Variants in CCDC192 observed in about 807,000 individuals in gnomAD.
CCDC192 encodes the protein coiled-coil domain containing 192.
At chr5:127,757,492 C>A (rs996321220) in intron 3 of CCDC192, among the ~76,000 whole-genome samples, 2 of 151,990 alleles carry the variant, frequency 1.3e-5, no homozygotes, top group African/African-American at 4.8e-5. Flanking sequence ...TTTGCTTTCT[C>A]CAATGTTTAG....
intron 2 of CCDC192, among the ~76,000 whole-genome samples, chr5:127,743,465 G>T (rs905359705): frequency 1.3e-5 from 2 of 152,102 alleles, no homozygotes; most frequent in Non-Finnish European, 2.9e-5. Flanking sequence ...ATGTTGAGAC[G>T]CAGACAAATG....
chr5:127,720,103 A>G (rs1440632472), intron 2 of CCDC192, among the ~76,000 whole-genome samples: 1 of 152,166 alleles, frequency 6.6e-6, no homozygotes, highest in Non-Finnish European at 1.5e-5. Context: ...GTCTTAAATC[A>G]TTTCAGCATT....
intron 5 of CCDC192, among the ~76,000 whole-genome samples, chr5:127,819,564 T>C (rs1206329490): frequency 8.5e-5 from 13 of 152,160 alleles, no homozygotes; most frequent in Admixed American, 8.5e-4. Flanking sequence ...AGACCTAAAA[T>C]GAAAGAAGTT....
intron 3 of CCDC192, among the ~76,000 whole-genome samples, chr5:127,758,071 A>T (rs10079426): frequency 0.32 from 48,778 of 151,782 alleles, 8,692 homozygotes; most frequent in Middle Eastern, 0.42. Flanking sequence ...CAATATTATC[A>T]AACAATGGAT....
chr5:127,785,086 G>A (rs1419498175), intron 3 of CCDC192: 17 of 516,084 alleles, frequency 3.3e-5, no homozygotes, highest in Non-Finnish European at 5.9e-5. Context: ...TACAGTGTAG[G>A]CATCTTCTGT....
intron 5 of CCDC192, among the ~76,000 whole-genome samples, chr5:127,821,999 G>T (rs1749314636): frequency 6.6e-6 from 1 of 152,178 alleles, no homozygotes; most frequent in South Asian, 2.1e-4. Context: ...GTAAACACAG[G>T]TTAGTAACTA....
In CCDC192 at chr5:127,852,315, T is replaced by A. The variant is rs191764641; in HGVS notation, c.412-23223T>A. Reference sequence around the variant, plus strand: ...TTTACGCATAAAGCATATGTTTGATTATTACCTTGTTTTTACATGATAGAC... The same window carrying A: ...TTTACGCATAAAGCATATGTTTGATAATTACCTTGTTTTTACATGATAGAC... On this transcript the variant is annotated intron_variant, in intron 5 of 6. Transcript: ENST00000514853. Among the ~76,000 whole-genome samples, 190 of 152,352 alleles carry A rather than the reference T, an allele frequency of 1.2e-3. 1 individual carries two copies. The highest frequency in any genetic ancestry group is 1.8e-3 in the Non-Finnish European group (121 of 68,036).
intron 2 of CCDC192, among the ~76,000 whole-genome samples, chr5:127,714,870 C>T (rs1385118801): frequency 6.6e-6 from 1 of 151,998 alleles, no homozygotes; most frequent in Non-Finnish European, 1.5e-5. Flanking sequence ...TTGCATTTTC[C>T]CAATTAGTGA....
intron 6 of CCDC192, among the ~76,000 whole-genome samples, chr5:127,925,562 C>CTAAAAGCAAGTAGCACAAAG (rs1184562411): frequency 6.6e-6 from 1 of 152,050 alleles, no homozygotes; most frequent in Non-Finnish European, 1.5e-5. Context: ...AAAATTTAAA[C>CTAAAAGCAAGTAGCACAAAG]TAAAAGCAAG....
chr5:127,757,453 C>G (rs1754661825), intron 3 of CCDC192, among the ~76,000 whole-genome samples: 1 of 152,094 alleles, frequency 6.6e-6, no homozygotes, highest in Non-Finnish European at 1.5e-5. Context: ...TCAATCAACA[C>G]TGTTGTCAGA....
intron 6 of CCDC192, among the ~76,000 whole-genome samples, chr5:127,908,171 A>G (rs887820974): frequency 1.3e-5 from 2 of 152,222 alleles, no homozygotes; most frequent in African/African-American, 4.8e-5. Flanking sequence ...CTTGTTCAGC[A>G]CTGGGACAGC....
intron 3 of CCDC192, among the ~76,000 whole-genome samples, chr5:127,794,476 C>A (rs1224830473): frequency 2.0e-5 from 3 of 152,138 alleles, no homozygotes; most frequent in Admixed American, 1.3e-4. Context: ...AAACAAAAGG[C>A]TCTGCAGACT....
intron 6 of CCDC192, among the ~76,000 whole-genome samples, chr5:127,911,335 G>A (rs1171736374): frequency 3.3e-5 from 5 of 152,144 alleles, no homozygotes; most frequent in African/African-American, 9.7e-5. Context: ...AGATTAATGC[G>A]GGGTGTTATG....
rs1291915567 is a variant in CCDC192, at chr5:127,754,271, G to C, written c.118G>C (p.Ala40Pro). Residue 40 changes from alanine to proline, a missense_variant, in exon 3 of 7, where the codon GCG (alanine) becomes CCG (proline). By Grantham distance (27) the Ala-to-Pro change is conservative. Transcript: ENST00000514853. ...CTTGATTTTTTTTTTTTTAAAGAAA[G>C]CGTCCCTGGATACTGGACAGATGGC... ...DIPQENKVSKASLDTGQMAFT... is the reference protein window; with the variant it reads ...DIPQENKVSKPSLDTGQMAFT... 1 of 397,218 alleles carries C rather than the reference G, an allele frequency of 2.5e-6. No homozygotes were observed. The allele number at this position is 397,218 out of a possible 1,614,324, so 24.6% of individuals were successfully genotyped here.
intron 5 of CCDC192, among the ~76,000 whole-genome samples, chr5:127,815,592 G>A (rs1748975531): frequency 6.6e-6 from 1 of 152,280 alleles, no homozygotes; most frequent in African/African-American, 2.4e-5. Context: ...GTATGGGCTG[G>A]CTATGGCGGC....
intron 2 of CCDC192, among the ~76,000 whole-genome samples, chr5:127,723,805 A>C (rs1279585111): frequency 6.6e-6 from 1 of 152,218 alleles, no homozygotes; most frequent in Non-Finnish European, 1.5e-5. Flanking sequence ...CAGATTGCGT[A>C]ACATCAGCTT....
chr5:127,747,297 C>T (rs1753829188), intron 2 of CCDC192, among the ~76,000 whole-genome samples: 1 of 151,876 alleles, frequency 6.6e-6, no homozygotes, highest in Admixed American at 6.6e-5. Context: ...TGATGTTCCC[C>T]TTCCTGTGTC....
intron 5 of CCDC192, among the ~76,000 whole-genome samples, chr5:127,809,833 C>G (rs1284425939): frequency 6.6e-6 from 1 of 152,054 alleles, no homozygotes; most frequent in African/African-American, 2.4e-5. Context: ...GAATAAAGCC[C>G]AAGATCACTA....
At chr5:127,728,904 C>A (rs1752482322) in intron 2 of CCDC192, among the ~76,000 whole-genome samples, 1 of 151,994 alleles carries the variant, frequency 6.6e-6, no homozygotes, top group South Asian at 2.1e-4. Flanking sequence ...ATCCTAGTTT[C>A]TTTTTTTCTT....
Sources: gnomAD v4.1 joint callset for allele counts (sites outside exome capture counted in the v4.1 genomes callset) on GRCh38, gnomAD v4.1.1 for gene constraint, MANE v1.5 for transcripts, NCBI Gene and HGNC (gene_info 2026-07-23, HGNC 2026-07-21) for gene names.